Variants in PAG1 observed in about 807,000 individuals in gnomAD.
The protein encoded by PAG1 is phosphoprotein associated with glycosphingolipid-enriched microdomains 1.
PAG1 carries 23 observed loss-of-function variants against 31.7 expected under a neutral mutation model. The observed-to-expected ratio is 0.73, with a 90% CI of 0.52 to 1.03. PAG1 has a LOEUF of 1.03. PAG1 is among the 50% of genes least tolerant of loss of function. The probability of loss-of-function intolerance (pLI) is 0.00; values close to 1 mark genes in which losing one functional copy is unlikely to be tolerated. For synonymous variants in PAG1, 214 were observed against 210.3 expected, an observed-to-expected ratio of 1.02 and a Z score of -0.15; for missense variants, 473 against 540.7, an observed-to-expected ratio of 0.87 and a Z score of 1.24.
chr8:81,101,218 T>C (rs185802158), intron 1 of PAG1, among the ~76,000 whole-genome samples: 2 of 152,350 alleles, frequency 1.3e-5, no homozygotes, highest in African/African-American at 4.8e-5. Flanking sequence ...ATCCATATTG[T>C]ATCCTTTTAA....
At position 81,042,143 on chromosome 8, in the gene PAG1, G is replaced by A. The variant is rs191701541; in HGVS notation, c.-174-12054C>T. Among the ~76,000 whole-genome samples, 178 of 152,290 alleles carry A rather than the reference G, an allele frequency of 1.2e-3. No individual in the cohort carries two copies. In the East Asian group the frequency reaches 0.015, roughly 13 times the overall value. On this transcript the variant is annotated intron_variant, in intron 2 of 8. Transcript: ENST00000220597. ...AGATGAAGTCTGAAAGGTTTAGCTC[G>A]AGAGACAAATCCATGGGGTACCAAC...
intron 2 of PAG1, among the ~76,000 whole-genome samples, chr8:81,062,178 G>A (rs1808929889): frequency 6.6e-6 from 1 of 152,182 alleles, no homozygotes; most frequent in Admixed American, 6.5e-5. Flanking sequence ...CAATTCTGAG[G>A]TGCTATCTGT....
intron 2 of PAG1, among the ~76,000 whole-genome samples, chr8:81,056,619 G>A (rs200604417): frequency 6.6e-6 from 1 of 152,122 alleles, no homozygotes; most frequent in Non-Finnish European, 1.5e-5. Flanking sequence ...TAAAAACCCT[G>A]GAAGAAAACC....
chr8:81,054,669 C>T (rs28450368), intron 2 of PAG1, among the ~76,000 whole-genome samples: 44,341 of 151,390 alleles, frequency 0.29, 8,801 homozygotes, highest in African/African-American at 0.57. Context: ...AGCGAGACTC[C>T]GTCTCAAAAA....
intron 7 of PAG1, among the ~76,000 whole-genome samples, chr8:80,983,050 G>T (rs1195688240): frequency 3.3e-5 from 5 of 152,154 alleles, no homozygotes; most frequent in Non-Finnish European, 5.9e-5. Context: ...TTAGTGTTCA[G>T]ACTATAAGCC....
intron 3 of PAG1, among the ~76,000 whole-genome samples, chr8:80,998,559 C>T (rs914312681): frequency 6.6e-6 from 1 of 151,152 alleles, no homozygotes; most frequent in Non-Finnish European, 1.5e-5. Flanking sequence ...CTTCATTAGC[C>T]TGCACTATCA....
At position 81,061,146 on chromosome 8, in the gene PAG1, G is replaced by A. The variant is rs894072796; in HGVS notation, c.-175+8966C>T. On this transcript the variant is annotated intron_variant, in intron 2 of 8. Transcript: ENST00000220597. ...GACTCAGGCTACTGGGCTGGAAGTC[G>A]GGGGATGAGAAGTGAAGTATTCTTA... Among the ~76,000 whole-genome samples the A allele has an allele frequency of 7.2e-5, 11 of 152,288 alleles. 2 individuals are homozygous for A. Among genetic ancestry groups the A allele is most frequent in the Admixed American group, 3.9e-4 (6 of 15,294 alleles).
At chr8:81,091,061 G>GA in intron 1 of PAG1, among the ~76,000 whole-genome samples, 1 of 152,174 alleles carries the variant, frequency 6.6e-6, no homozygotes, top group Non-Finnish European at 1.5e-5. Flanking sequence ...TAAACTAAGA[G>GA]AATGGCCGAA....
At chr8:81,072,420 G>A (rs900708030) in intron 1 of PAG1, among the ~76,000 whole-genome samples, 1 of 152,156 alleles carries the variant, frequency 6.6e-6, no homozygotes, top group African/African-American at 2.4e-5. Context: ...TTGTTTTGAG[G>A]GGCTAGCATT....
chr8:81,110,947 G>A (rs1809763755), intron 1 of PAG1, among the ~76,000 whole-genome samples: 2 of 152,360 alleles, frequency 1.3e-5, no homozygotes, highest in African/African-American at 2.4e-5. Context: ...CATAAGAGGT[G>A]CAGGACAATC....
intron 1 of PAG1, among the ~76,000 whole-genome samples, chr8:81,109,824 T>A (rs4739788): frequency 0.64 from 97,264 of 152,100 alleles, 34,013 homozygotes; most frequent in East Asian, 1. Context: ...GACTTTGGGT[T>A]ACTTGCCTAG....
intron 3 of PAG1, among the ~76,000 whole-genome samples, chr8:81,017,467 C>A (rs1808090957): frequency 6.6e-6 from 1 of 152,154 alleles, no homozygotes; most frequent in South Asian, 2.1e-4. Flanking sequence ...AAAGTCAAAG[C>A]AAACACCATG....
chr8:81,004,620 G>A (rs1327382395), intron 3 of PAG1, among the ~76,000 whole-genome samples: 1 of 152,174 alleles, frequency 6.6e-6, no homozygotes, highest in African/African-American at 2.4e-5. Context: ...GCCATTTATT[G>A]TTGAACTCCA....
In PAG1 at chr8:80,976,719, G is replaced by A. The variant is rs1807190259; in HGVS notation, c.1124C>T (p.Pro375Leu). 6.2e-7 allele frequency: 1 copy of A among 1,614,040 alleles called. No individual in the cohort carries two copies. Among genetic ancestry groups the A allele is most frequent in the Non-Finnish European group, 8.5e-7 (1 of 1,180,018 alleles). ...FEKTPNSTLPPAGRPSEEPEP... is the reference protein window; with the variant it reads ...FEKTPNSTLPLAGRPSEEPEP... ...TGGCTCCTCGCTGGGCCTCCCTGCT[G>A]GTGGAAGTGTGCTGTTTGGAGTTTT... Residue 375 changes from proline to leucine, a missense_variant, in exon 9 of 9, where the codon CCA (proline) becomes CTA (leucine). Physicochemically the swap from Pro to Leu is moderately conservative, Grantham distance 98. Coordinates refer to ENST00000220597, the MANE Select transcript of PAG1 (RefSeq NM_018440.4).
At chr8:81,073,178 A>C (rs1429644469) in intron 1 of PAG1, among the ~76,000 whole-genome samples, 1 of 152,206 alleles carries the variant, frequency 6.6e-6, no homozygotes, top group Non-Finnish European at 1.5e-5. Flanking sequence ...AGTCCTAGGC[A>C]TAGCCATGAT....
At chr8:81,008,480 G>A (rs190055415) in intron 3 of PAG1, among the ~76,000 whole-genome samples, 1 of 150,790 alleles carries the variant, frequency 6.6e-6, no homozygotes, top group Non-Finnish European at 1.5e-5. Context: ...TATGACTACA[G>A]TATAGTTCTC....
intron 3 of PAG1, among the ~76,000 whole-genome samples, chr8:81,012,470 G>A (rs1808001817): frequency 6.6e-6 from 1 of 152,160 alleles, no homozygotes; most frequent in South Asian, 2.1e-4. Context: ...TGTATCTTGT[G>A]CAACATGCAC....
intron 2 of PAG1, chr8:81,037,216 A>C (rs994886407): frequency 6.6e-6 from 1 of 152,244 alleles, no homozygotes; most frequent in Admixed American, 6.5e-5. Context: ...GAAGCTGAAG[A>C]TAAAAATCCT....
chr8:81,064,882 G>A (rs1808977382), intron 2 of PAG1, among the ~76,000 whole-genome samples: 1 of 152,242 alleles, frequency 6.6e-6, no homozygotes, highest in South Asian at 2.1e-4. Flanking sequence ...GTGACCAGCA[G>A]TGAACAGGTA....
Sources: gnomAD v4.1 joint callset for allele counts (sites outside exome capture counted in the v4.1 genomes callset) on GRCh38, gnomAD v4.1.1 for gene constraint, MANE v1.5 for transcripts, NCBI Gene and HGNC (gene_info 2026-07-23, HGNC 2026-07-21) for gene names.